The following DIS3L2 variants were observed in gnomAD, a reference collection of about 807,000 sequenced individuals.
The protein encoded by DIS3L2 is DIS3-like exonuclease 2.
Under a neutral mutation model 97.5 loss-of-function variants are expected in DIS3L2, and 34 were observed. That is an observed-to-expected ratio of 0.35 (90% CI 0.27 to 0.46). The LOEUF is 0.46. Ranked by LOEUF, DIS3L2 falls within the 20% of genes least tolerant of loss-of-function variation. The probability of loss-of-function intolerance (pLI) is 1.00; values close to 1 mark genes in which losing one functional copy is unlikely to be tolerated. For synonymous variants in DIS3L2, 435 were observed against 445.2 expected (o/e 0.98, Z 0.29); for missense variants, 1,038 against 1,146.0 (o/e 0.91, Z 1.36).
chr2:232,089,273 A>G (rs997131371), intron 6 of DIS3L2, among the ~76,000 whole-genome samples: 3 of 152,204 alleles, frequency 2.0e-5, no homozygotes, highest in African/African-American at 7.2e-5. Flanking sequence ...TGTGTCAGGT[A>G]CTGCTATGGG....
At chr2:232,002,518 T>G (rs1693936398) in intron 1 of DIS3L2, among the ~76,000 whole-genome samples, 1 of 152,230 alleles carries the variant, frequency 6.6e-6, no homozygotes, top group Non-Finnish European at 1.5e-5. Context: ...CATTTTTTGG[T>G]GTCTTCAGTT....
intron 13 of DIS3L2, among the ~76,000 whole-genome samples, chr2:232,297,023 G>T (rs1694740824): frequency 6.6e-6 from 1 of 152,208 alleles, no homozygotes; most frequent in African/African-American, 2.4e-5. Flanking sequence ...TGTGGGGTCT[G>T]GGAGGCAGAT....
At chr2:232,206,664 T>C (rs1692035488) in intron 9 of DIS3L2, among the ~76,000 whole-genome samples, 1 of 152,236 alleles carries the variant, frequency 6.6e-6, no homozygotes, top group South Asian at 2.1e-4. Flanking sequence ...GAATAATGTT[T>C]GGATGGCTTA....
intron 8 of DIS3L2, among the ~76,000 whole-genome samples, chr2:232,141,627 G>A (rs969509323): frequency 1.3e-5 from 2 of 152,126 alleles, no homozygotes; most frequent in Admixed American, 1.3e-4. Context: ...AGGACAGCAG[G>A]TTCCATTGGA....
At chr2:232,218,371 A>G (rs1208239889) in intron 10 of DIS3L2, among the ~76,000 whole-genome samples, 2 of 152,218 alleles carry the variant, frequency 1.3e-5, no homozygotes, top group Non-Finnish European at 2.9e-5. Context: ...TTTGAATCCT[A>G]CAAAGTCTGG....
At chr2:232,208,109 T>C (rs1183653710) in intron 9 of DIS3L2, among the ~76,000 whole-genome samples, 3 of 152,326 alleles carry the variant, frequency 2.0e-5, no homozygotes, top group Admixed American at 6.5e-5. Flanking sequence ...AAATTGACCT[T>C]CTTTTGCTGT....
At chr2:232,222,491 G>A (rs1234555235) in intron 10 of DIS3L2, among the ~76,000 whole-genome samples, 1 of 151,630 alleles carries the variant, frequency 6.6e-6, no homozygotes, top group Non-Finnish European at 1.5e-5. Context: ...TTTTTTTTAA[G>A]ACTGAGTCTT....
chr2:232,330,550 A>T, intron 15 of DIS3L2, 140 bp from the exon 16 acceptor site: 1 of 818,226 alleles, frequency 1.2e-6, no homozygotes, highest in East Asian at 2.6e-5. Flanking sequence ...CTCCCCACCC[A>T]TCCCCTCTGA....
chr2:232,332,905 GC>G (rs1242607983), intron 16 of DIS3L2, among the ~76,000 whole-genome samples: 1 of 152,132 alleles, frequency 6.6e-6, no homozygotes, highest in African/African-American at 2.4e-5. Flanking sequence ...AGCTCCAAGA[GC>G]CTGAGGCCCG....
intron 6 of DIS3L2, among the ~76,000 whole-genome samples, chr2:232,122,672 T>C (rs1049293024): frequency 1.3e-5 from 2 of 152,048 alleles, no homozygotes; most frequent in Admixed American, 6.6e-5. Flanking sequence ...GAGCTGAGAT[T>C]GCACCCTTGC....
At chr2:232,171,994 G>A (rs909761522) in intron 9 of DIS3L2, among the ~76,000 whole-genome samples, 9 of 152,030 alleles carry the variant, frequency 5.9e-5, no homozygotes, top group African/African-American at 2.2e-4. Context: ...TGAGTGCATG[G>A]GAAAGATAAT....
At chr2:231,973,095 G>A (rs1692970007) in intron 1 of DIS3L2, among the ~76,000 whole-genome samples, 1 of 152,176 alleles carries the variant, frequency 6.6e-6, no homozygotes, top group Non-Finnish European at 1.5e-5. Context: ...CATAGAACTG[G>A]TATAGTTTCC....
intron 1 of DIS3L2, among the ~76,000 whole-genome samples, chr2:231,970,508 A>G (rs1472969940): frequency 2.0e-5 from 3 of 152,244 alleles, no homozygotes; most frequent in Admixed American, 6.5e-5. Flanking sequence ...ATAGAATGCT[A>G]AGTATTTATG....
At position 231,966,641 on chromosome 2, in the gene DIS3L2, A is replaced by ATTTTTTTTTTTTTTTTTTTTTTT. The variant is rs36151054; in HGVS notation, c.-94+4888_-94+4910dup. Among the ~76,000 whole-genome samples, 3 of 50,358 alleles carry ATTTTTTTTTTTTTTTTTTTTTTT rather than the reference A, an allele frequency of 6.0e-5. 1 individual carries two copies. Among genetic ancestry groups the ATTTTTTTTTTTTTTTTTTTTTTT allele is most frequent in the Non-Finnish European group, 1.1e-4 (3 of 27,940 alleles). 33.0% of individuals were successfully genotyped at this position (50,358 alleles called of 152,430 possible). A position where few individuals can be genotyped will look rare whatever the true frequency, so the allele number is the denominator to read the frequency against. On this transcript the variant is annotated intron_variant, in intron 1 of 20. Coordinates refer to ENST00000325385, the MANE Select transcript of DIS3L2 (RefSeq NM_152383.5). ...CACCATGCCCAGCTAGTTAAAAAAC[A>ATTTTTTTTTTTTTTTTTTTTTTT]TTTTTTTTTTTTTTTTTTTTTTTTT...
At chr2:232,225,756 G>A (rs1296565626) in intron 10 of DIS3L2, among the ~76,000 whole-genome samples, 1 of 151,776 alleles carries the variant, frequency 6.6e-6, no homozygotes, top group Non-Finnish European at 1.5e-5. Context: ...AAATGAAGGA[G>A]TACAAAAAAA....
intron 14 of DIS3L2, among the ~76,000 whole-genome samples, chr2:232,306,406 G>A (rs1236605696): frequency 7.2e-5 from 11 of 152,076 alleles, no homozygotes; most frequent in Admixed American, 4.6e-4. Flanking sequence ...CTGTATCAAC[G>A]TCTGATACTC....
chr2:231,964,844 T>C (rs1692668000), intron 1 of DIS3L2, among the ~76,000 whole-genome samples: 1 of 152,194 alleles, frequency 6.6e-6, no homozygotes, highest in African/African-American at 2.4e-5. Context: ...TTAAGTGCTG[T>C]AGTAGGTCAG....
chr2:232,215,830 G>T (rs1259115259), intron 10 of DIS3L2, among the ~76,000 whole-genome samples: 1 of 152,174 alleles, frequency 6.6e-6, no homozygotes, highest in Non-Finnish European at 1.5e-5. Flanking sequence ...GAAGTCACTG[G>T]ACCTGCTACT....
At chr2:232,084,270 A>C (rs1464301894) in intron 5 of DIS3L2, among the ~76,000 whole-genome samples, 1 of 152,156 alleles carries the variant, frequency 6.6e-6, no homozygotes, top group Non-Finnish European at 1.5e-5. Flanking sequence ...TGTATTCCTT[A>C]TCCAGAATAA....
Sources: gnomAD v4.1 joint callset for allele counts (sites outside exome capture counted in the v4.1 genomes callset) on GRCh38, gnomAD v4.1.1 for gene constraint, MANE v1.5 for transcripts, NCBI Gene and HGNC (gene_info 2026-07-23, HGNC 2026-07-21) for gene names.